Variants in VCAN observed in about 807,000 individuals in gnomAD.
VCAN encodes the protein versican.
VCAN carries 44 observed loss-of-function variants against 245.5 expected under a neutral mutation model. The observed-to-expected ratio is 0.18, with a 90% CI of 0.14 to 0.23. VCAN has a LOEUF of 0.23. VCAN is among the 10% of genes least tolerant of loss of function. VCAN has a pLI of 1.00. For missense variants in VCAN, 3,793 were observed against 4,057.9 expected (o/e 0.93, Z 1.77); for synonymous variants, 1,413 against 1,437.0 (o/e 0.98, Z 0.38).
At chr5:83,488,593 A>C (rs1414755545) in intron 2 of VCAN, among the ~76,000 whole-genome samples, 1 of 152,200 alleles carries the variant, frequency 6.6e-6, no homozygotes, top group Non-Finnish European at 1.5e-5. Context: ...TAAAAGTGGA[A>C]TTATTCCCTT....
In VCAN at chr5:83,525,903, G is replaced by A. The variant is rs143575890; in HGVS notation, c.4003+3594G>A. On this transcript the variant is annotated intron_variant, in intron 7 of 14. Transcript: ENST00000265077. ...TTGGCTCTGAGGGCAGGAGCCATCT[G>A]GGCAGATACCCATATTTACATCATT... Among the ~76,000 whole-genome samples, 43 of 152,212 alleles carry A rather than the reference G, an allele frequency of 2.8e-4. No homozygotes were observed. The East Asian group carries it at 5.6e-3, about 20-fold the overall frequency.
At chr5:83,514,887 C>T (rs1745793286) in intron 6 of VCAN, among the ~76,000 whole-genome samples, 2 of 152,198 alleles carry the variant, frequency 1.3e-5, no homozygotes, top group Admixed American at 1.3e-4. Context: ...GCCTCAGCTA[C>T]AGTTCCAAAG....
intron 5 of VCAN, among the ~76,000 whole-genome samples, chr5:83,511,253 T>TA (rs529511561): frequency 0.018 from 2,700 of 146,384 alleles, 40 homozygotes; most frequent in Non-Finnish European, 0.024. Context: ...GCGATTCTCC[T>TA]AAAAAAAAAA....
chr5:83,512,132 A>G lies in VCAN; in HGVS notation c.778A>G (p.Lys260Glu). Residue 260 changes from lysine (K) to glutamate (E), a missense_variant, in exon 6 of 15, where the codon AAA (lysine) becomes GAA (glutamate). This residue lies in a region of VCAN where 190 missense variants were observed against 288.6 expected (regional missense o/e 0.66). Coordinates refer to ENST00000265077, the MANE Select transcript of VCAN (RefSeq NM_004385.5). Reference sequence around the variant, plus strand: ...TGTGTTCCACCTCACTGTCCCCAGTAAATTCACCTTCGAGGAGGCTGCAAA... The same window carrying G: ...TGTGTTCCACCTCACTGTCCCCAGTGAATTCACCTTCGAGGAGGCTGCAAA... Reference protein sequence around the residue: ...GDVFHLTVPSKFTFEEAAKEC... With the variant: ...GDVFHLTVPSEFTFEEAAKEC... 1 of 1,614,208 alleles carries G rather than the reference A, an allele frequency of 6.2e-7. No individual in the cohort carries two copies. Among genetic ancestry groups the G allele is most frequent in the Non-Finnish European group, 8.5e-7 (1 of 1,180,040 alleles).
intron 12 of VCAN, among the ~76,000 whole-genome samples, chr5:83,559,903 T>C (rs1330794452): frequency 2.0e-5 from 3 of 152,064 alleles, no homozygotes; most frequent in Admixed American, 1.3e-4. Context: ...TTCAGCTGAA[T>C]CTCTTTGTGA....
intron 5 of VCAN, among the ~76,000 whole-genome samples, chr5:83,510,428 T>C (rs1361438728): frequency 6.6e-6 from 1 of 152,204 alleles, no homozygotes; most frequent in Non-Finnish European, 1.5e-5. Context: ...AAGATCCAAA[T>C]CATGACAGCT....
At chr5:83,533,288 C>T (rs757617786) in intron 7 of VCAN, among the ~76,000 whole-genome samples, 2 of 152,052 alleles carry the variant, frequency 1.3e-5, no homozygotes, top group African/African-American at 4.8e-5. Context: ...AGAAAGGAAT[C>T]CTAATCTAAA....
intron 1 of VCAN, among the ~76,000 whole-genome samples, chr5:83,475,981 C>G (rs1191282030): frequency 6.6e-6 from 1 of 152,154 alleles, no homozygotes; most frequent in Non-Finnish European, 1.5e-5. Flanking sequence ...TCTTCTTTTT[C>G]CCTGTGTTTG....
chr5:83,575,802 A>G (rs1489642827), intron 13 of VCAN, among the ~76,000 whole-genome samples: 1 of 152,144 alleles, frequency 6.6e-6, no homozygotes, highest in Non-Finnish European at 1.5e-5. Flanking sequence ...CAAAAACACC[A>G]TGATTGTTTA....
chr5:83,532,272 G>A (rs1163399876), intron 7 of VCAN, among the ~76,000 whole-genome samples: 1 of 152,048 alleles, frequency 6.6e-6, no homozygotes, highest in African/African-American at 2.4e-5. Flanking sequence ...AAATGGGGAT[G>A]AAGAGGTAAT....
At chr5:83,555,401 A>C (rs2112473290) in intron 12 of VCAN, among the ~76,000 whole-genome samples, 1 of 152,332 alleles carries the variant, frequency 6.6e-6, no homozygotes, top group Non-Finnish European at 1.5e-5. Flanking sequence ...TTAAAAAAAT[A>C]CCTTTCCGTC....
At position 83,537,704 on chromosome 5, in the gene VCAN, A is replaced by G. The variant is rs201926758; in HGVS notation, c.4701A>G (p.Glu1567=). 1,404 of 1,613,950 alleles carry G rather than the reference A, an allele frequency of 8.7e-4. 7 individuals carry two copies. The highest frequency in any genetic ancestry group is 4.0e-5 in the Non-Finnish European group (47 of 1,179,926). Residue 1567 remains glutamate (E), a synonymous_variant, in exon 8 of 15, where the codon GAA becomes GAG. Transcript: ENST00000265077. ...SQKIAFARAT[E]VTFGEEVEKS... ...AAATAGCCTTTGCAAGGGCTACAGA[A>G]GTAACATTTGGTGAAGAGGTAGAAA...
chr5:83,553,576 T>C, intron 11 of VCAN, 54 bp downstream of exon 11: 1 of 1,611,120 alleles, frequency 6.2e-7, no homozygotes, highest in Non-Finnish European at 8.5e-7. Context: ...ATCACTCTCT[T>C]AGTTTTGTCT....
chr5:83,472,773 G>A (rs1744241669), intron 1 of VCAN, among the ~76,000 whole-genome samples: 1 of 152,198 alleles, frequency 6.6e-6, no homozygotes, highest in Non-Finnish European at 1.5e-5. Flanking sequence ...GGAAGGAGCA[G>A]AGGATGGGGG....
intron 12 of VCAN, among the ~76,000 whole-genome samples, chr5:83,563,541 T>C (rs1211174321): frequency 6.6e-6 from 1 of 152,176 alleles, no homozygotes; most frequent in Non-Finnish European, 1.5e-5. Flanking sequence ...GGTTATTCTG[T>C]TTGTTATTTA....
intron 1 of VCAN, among the ~76,000 whole-genome samples, chr5:83,477,136 T>C (rs1275724337): frequency 6.6e-6 from 1 of 152,144 alleles, no homozygotes; most frequent in Non-Finnish European, 1.5e-5. Flanking sequence ...ATCTATTAAA[T>C]GAATATGCAG....
In VCAN at chr5:83,539,156, C is replaced by T; in HGVS notation, c.6153C>T (p.Val2051=). 6.2e-7 allele frequency: 1 copy of T among 1,613,852 alleles called. No individual in the cohort carries two copies. Among genetic ancestry groups the T allele is most frequent in the East Asian group, 2.2e-5 (1 of 44,836 alleles). The change falls in exon 8 of 15, where the codon GTC becomes GTT. Residue 2051 remains valine (V), a synonymous_variant. Coordinates refer to ENST00000265077, the MANE Select transcript of VCAN (RefSeq NM_004385.5). ...IDEGLGEVGT[V]NEIDRRSTIL... Reference sequence around the variant, plus strand: ...AAGGATTGGGAGAAGTGGGTACTGTCAATGAAATTGATAGAAGATCCACCA... The same window carrying T: ...AAGGATTGGGAGAAGTGGGTACTGTTAATGAAATTGATAGAAGATCCACCA...
intron 1 of VCAN, among the ~76,000 whole-genome samples, chr5:83,477,915 CCAAT>C (rs1285071260): frequency 6.6e-6 from 1 of 150,912 alleles, no homozygotes. Context: ...CATTTTTTCA[CCAAT>C]CAGAGGAGTA....
At position 83,539,888 on chromosome 5, in the gene VCAN, T is replaced by C. The variant is rs377297639; in HGVS notation, c.6885T>C (p.Ser2295=). ...CTTCTCAAGTGGAAAGTACCTCAAG[T>C]GACAAAATTGAAGACTTTAACAGAA... The part of the protein sequence containing the change: ...PHTSQVESTS[S]DKIEDFNRME... Residue 2295 remains serine (S), a synonymous_variant, in exon 8 of 15, where the codon AGT becomes AGC. Coordinates refer to ENST00000265077, the MANE Select transcript of VCAN (RefSeq NM_004385.5). 2 of 1,613,974 alleles carry C rather than the reference T, an allele frequency of 1.2e-6. No individual in the cohort carries two copies. The highest frequency in any genetic ancestry group is 1.7e-6 in the Non-Finnish European group (2 of 1,179,964).
Sources: allele counts gnomAD v4.1 joint callset (sites outside exome capture counted in the v4.1 genomes callset), GRCh38; gene constraint gnomAD v4.1.1; regional missense constraint gnomAD v4.1.1; transcripts MANE v1.5; gene names NCBI Gene and HGNC (gene_info 2026-07-23, HGNC 2026-07-21).